Variants in DNM1 observed in about 807,000 individuals in gnomAD.
DNM1 encodes dynamin-1.
In DNM1, 29 loss-of-function variants were observed where a neutral mutation model predicts 104.6. The ratio of observed to expected loss-of-function variants is 0.28; its 90% confidence interval spans 0.21 to 0.38. DNM1 has a LOEUF of 0.38. Among genes scored for constraint, DNM1 ranks in the 10% least tolerant of loss-of-function variants. The pLI is 1.00. For synonymous variants in DNM1, 445 were observed against 475.8 expected, an observed-to-expected ratio of 0.94 and a Z score of 0.84; for missense variants, 640 against 1,189.4, an observed-to-expected ratio of 0.54 and a Z score of 6.79.
chr9:128,220,172 T>C lies in DNM1; in HGVS notation c.689-9T>C. ...AGGCTGGTTGCCCTGACCTTGATACTGTTCACAGGCTACATTGGAGTGGTG... is the reference window on the plus strand; with the variant it reads ...AGGCTGGTTGCCCTGACCTTGATACCGTTCACAGGCTACATTGGAGTGGTG... On this transcript the variant is annotated splice_polypyrimidine_tract_variant and intron_variant, in intron 5 of 21. Transcript: ENST00000372923. This position sits in a 1 kb window ranked among gnomAD's most constrained non-coding sequence, Gnocchi z 5.2. 6.2e-7 allele frequency: 1 copy of C among 1,614,020 alleles called. No homozygotes were observed. The highest frequency in any genetic ancestry group is 1.3e-5 in the African/African-American group (1 of 75,022).
intron 21 of DNM1, 39 bp downstream of exon 21, chr9:128,250,979 C>T (rs1442040713): frequency 7.6e-6 from 9 of 1,186,756 alleles, no homozygotes; most frequent in Middle Eastern, 2.0e-4. Context: ...GGCTGCCGGA[C>T]GGGCGTGGCC....
chr9:128,231,634 A>G (rs1490307276), intron 10 of DNM1, among the ~76,000 whole-genome samples: 5 of 152,202 alleles, frequency 3.3e-5, no homozygotes, highest in Admixed American at 2.6e-4. Context: ...CACTCCTGCC[A>G]GAAGTTTAAT....
chr9:128,208,114 C>T (rs1381915806), intron 1 of DNM1, among the ~76,000 whole-genome samples: 2 of 151,206 alleles, frequency 1.3e-5, no homozygotes, highest in East Asian at 1.9e-4. Flanking sequence ...ACTTGGAATG[C>T]AATGGCGCGA....
chr9:128,236,841 G>A (rs1049068518), intron 11 of DNM1, among the ~76,000 whole-genome samples: 1 of 152,178 alleles, frequency 6.6e-6, no homozygotes, highest in Non-Finnish European at 1.5e-5. Flanking sequence ...AACACAGTGA[G>A]ACTCTGCCTC....
chr9:128,236,605 C>T (rs1457972339), intron 11 of DNM1, among the ~76,000 whole-genome samples: 2 of 152,132 alleles, frequency 1.3e-5, no homozygotes, highest in Non-Finnish European at 2.9e-5. Flanking sequence ...AACCCCAGCA[C>T]TTTGGGAGGC....
chr9:128,236,994 C>A (rs889909542), intron 11 of DNM1, among the ~76,000 whole-genome samples: 1 of 152,190 alleles, frequency 6.6e-6, no homozygotes, highest in African/African-American at 2.4e-5. Context: ...TGCCTTTTTC[C>A]TCTGAAGATA....
chr9:128,228,179 T>C (rs933628651), intron 10 of DNM1, among the ~76,000 whole-genome samples: 2 of 152,074 alleles, frequency 1.3e-5, no homozygotes, highest in African/African-American at 4.8e-5. Flanking sequence ...GTAGCTGGGA[T>C]TACAGGCTCC....
chr9:128,224,346 T>A lies in DNM1; in HGVS notation c.1292T>A (p.Val431Asp). 6.2e-7 allele frequency: 1 copy of A among 1,613,934 alleles called. No homozygotes were observed. Among genetic ancestry groups the A allele is most frequent in the Non-Finnish European group, 8.5e-7 (1 of 1,179,926 alleles). Residue 431 changes from valine (V) to aspartate (D), a missense_variant, in exon 10 of 22, where the codon GTT becomes GAT. Val to Asp is a radical substitution (Grantham distance 152). This residue lies in a region of DNM1 where 92 missense variants were observed against 124.4 expected (regional missense o/e 0.74). Coordinates refer to ENST00000372923, the MANE Select transcript of DNM1 (RefSeq NM_004408.4). This position sits in a 1 kb window ranked among gnomAD's most constrained non-coding sequence, Gnocchi z 4.3. ...REPCLKCVDM[V>D]ISELISTVRQ... The stretch of plus-strand genomic sequence containing the variant: ...CCGTGTCTCAAGTGTGTGGACATGG[T>A]TATCTCGGAGCTAATCAGCACCGTT...
In DNM1 at chr9:128,250,247, G is replaced by A; in HGVS notation, c.2209G>A (p.Glu737Lys). Residue 737 changes from glutamate to lysine, a missense_variant, in exon 20 of 22, where the codon GAG (glutamate) becomes AAG (lysine). Coordinates refer to ENST00000372923, the MANE Select transcript of DNM1 (RefSeq NM_004408.4). ...EMLRMYHALKEALSIIGDINT... is the reference protein window; with the variant it reads ...EMLRMYHALKKALSIIGDINT... ...GCTGCGCATGTACCACGCACTGAAG[G>A]AGGCGCTCAGCATCATCGGCGACAT... 1 of 1,614,054 alleles carries A rather than the reference G, an allele frequency of 6.2e-7. No homozygotes were observed. The highest frequency in any genetic ancestry group is 8.5e-7 in the Non-Finnish European group (1 of 1,179,984).
At position 128,250,713 on chromosome 9, in the gene DNM1, T is replaced by G. The variant is rs1359305680; in HGVS notation, c.2319-12T>G. 6.8e-7 allele frequency: 1 copy of G among 1,459,924 alleles called. No homozygotes were observed. The highest frequency in any genetic ancestry group is 9.0e-7 in the Non-Finnish European group (1 of 1,112,154). 90.4% of individuals were successfully genotyped at this position (1,459,924 alleles called of 1,614,324 possible). A position where few individuals can be genotyped will look rare whatever the true frequency, so the allele number is the denominator to read the frequency against. On this transcript the variant is annotated splice_polypyrimidine_tract_variant and intron_variant, in intron 20 of 21. Transcript: ENST00000372923. ...TCGCCTCTCCTTGTTCCTCGCTCCC[T>G]GTCGCCCTCAGGTCGCCCACGTCCA...
At position 128,237,354 on chromosome 9, in the gene DNM1, C is replaced by T. The variant is rs1041771298; in HGVS notation, c.1423-2091C>T. 4.6e-5 allele frequency among the ~76,000 whole-genome samples: 7 copies of T among 151,912 alleles called. No homozygotes were observed. In the South Asian group the frequency reaches 8.3e-4, roughly 18 times the overall value. ...TCGGCTCTCTGCAACCTCTGCCTCC[C>T]GGGTTCAAGCCATTCTCCTGCCTCA... is the stretch of plus-strand genomic sequence containing the variant. On this transcript the variant is annotated intron_variant, in intron 11 of 21. Coordinates refer to ENST00000372923, the MANE Select transcript of DNM1 (RefSeq NM_004408.4).
At chr9:128,209,676 C>T (rs549884931) in intron 1 of DNM1, among the ~76,000 whole-genome samples, 1 of 152,320 alleles carries the variant, frequency 6.6e-6, no homozygotes, top group African/African-American at 2.4e-5. Flanking sequence ...CAGGCTGCCC[C>T]GTCATTTCCC....
chr9:128,226,717 C>T (rs947287044), intron 10 of DNM1, among the ~76,000 whole-genome samples: 2 of 152,170 alleles, frequency 1.3e-5, no homozygotes, highest in African/African-American at 4.8e-5. Flanking sequence ...GTAATCCGTG[C>T]GTGAGAGACA....
chr9:128,231,941 G>A lies in DNM1; in HGVS notation c.1336-2080G>A, dbSNP rs536001338. 1.3e-4 allele frequency: 61 copies of A among 452,332 alleles called. 1 individual carries two copies. The East Asian group carries it at 4.0e-3, about 30-fold the overall frequency. The allele number at this position is 452,332 out of a possible 1,614,324, so 28.0% of individuals were successfully genotyped here. A position where few individuals can be genotyped will look rare whatever the true frequency, so the allele number is the denominator to read the frequency against. ...TAACCCGGTGGGCTCCAGGCTGATC[G>A]CCCCCTCAGCCAAGGGCTGAGAGGG... On this transcript the variant is annotated intron_variant, in intron 10 of 21. Transcript: ENST00000372923.
At chr9:128,213,587 T>A (rs1834434983) in intron 1 of DNM1, among the ~76,000 whole-genome samples, 1 of 152,066 alleles carries the variant, frequency 6.6e-6, no homozygotes, top group South Asian at 2.1e-4. Context: ...AAGATTGCTG[T>A]GGAGAGAGCA....
intron 10 of DNM1, among the ~76,000 whole-genome samples, chr9:128,231,194 C>CTTTTTTTT (rs72047067): frequency 5.8e-5 from 4 of 68,490 alleles, no homozygotes; most frequent in African/African-American, 1.2e-4. Flanking sequence ...ATACTTTTGC[C>CTTTTTTTT]TTTTTTTTTT....
Position 128,247,641 on chromosome 9 carries a change from A to C in DNM1, c.1893+155A>C, listed in dbSNP as rs1291946126. ...CCCTACCCACTCTGGGGGTGGGAAC[A>C]GAGATAAGTCTCCTGGTATTCCCAT... is the stretch of plus-strand genomic sequence containing the variant. On this transcript the variant is annotated intron_variant, in intron 17 of 21. Coordinates refer to ENST00000372923, the MANE Select transcript of DNM1 (RefSeq NM_004408.4). This position sits in a 1 kb window ranked among gnomAD's most constrained non-coding sequence, Gnocchi z 5.1. Among the ~76,000 whole-genome samples the C allele has an allele frequency of 1.3e-5, 2 of 152,192 alleles. No homozygotes were observed. The highest frequency in any genetic ancestry group is 4.8e-5 in the African/African-American group (2 of 41,450).
In DNM1 at chr9:128,253,178, C is replaced by T; in HGVS notation, c.2535-1476C>T. On this transcript the variant is annotated intron_variant, in intron 21 of 21. Coordinates refer to ENST00000372923, the MANE Select transcript of DNM1 (RefSeq NM_004408.4). This position sits in a 1 kb window ranked among gnomAD's most constrained non-coding sequence, Gnocchi z 5.9. ...ACCGCCTGCTGCATGAACGGTGTGT[C>T]TGCCCCGCTGCACTAGCTCCACACG... is the stretch of plus-strand genomic sequence containing the variant. The T allele has an allele frequency of 1.9e-6, 3 of 1,591,676 alleles. No individual in the cohort carries two copies. The Admixed American group carries it at 5.0e-5, about 27-fold the overall frequency.
chr9:128,218,798 C>T lies in DNM1; in HGVS notation c.385+67C>T. The T allele has an allele frequency of 6.6e-6, 10 of 1,504,462 alleles. No individual in the cohort carries two copies. Among genetic ancestry groups the T allele is most frequent in the Non-Finnish European group, 8.9e-6 (10 of 1,122,494 alleles). The allele number at this position is 1,504,462 out of a possible 1,614,324, so 93.2% of individuals were successfully genotyped here. A position where few individuals can be genotyped will look rare whatever the true frequency, so the allele number is the denominator to read the frequency against. On this transcript the variant is annotated intron_variant, in intron 3 of 21. Coordinates refer to ENST00000372923, the MANE Select transcript of DNM1 (RefSeq NM_004408.4). The surrounding 1 kb of genome is among the most constrained non-coding windows in gnomAD (Gnocchi z 4.8). Reference sequence around the variant, plus strand: ...CTTGGCCACGCACCTCTGCGTGCCTCGCTCCTCCTGCAGACTCCGCCCCTA... The same window carrying T: ...CTTGGCCACGCACCTCTGCGTGCCTTGCTCCTCCTGCAGACTCCGCCCCTA...
Sources: allele counts gnomAD v4.1 joint callset (sites outside exome capture counted in the v4.1 genomes callset), GRCh38; gene constraint gnomAD v4.1.1; regional missense constraint gnomAD v4.1.1; non-coding constraint Gnocchi (gnomAD v3.1); transcripts MANE v1.5; gene names NCBI Gene and HGNC (gene_info 2026-07-23, HGNC 2026-07-21).